The following NYAP1 variants were observed in gnomAD, a reference collection of about 807,000 sequenced individuals.
NYAP1 encodes neuronal tyrosine phosphorylated phosphoinositide-3-kinase adaptor 1, also known as neuronal tyrosine-phosphorylated phosphoinositide-3-kinase adapter 1.
NYAP1 carries 20 observed loss-of-function variants against 58.6 expected under a neutral mutation model. The ratio of observed to expected loss-of-function variants is 0.34; its 90% CI spans 0.24 to 0.50. NYAP1 has a LOEUF of 0.50. Ranked by LOEUF, NYAP1 falls within the 20% of genes least tolerant of loss-of-function variation. The pLI is 0.98. For missense variants in NYAP1, 1,150 were observed against 1,194.5 expected (o/e 0.96, Z 0.55); for synonymous variants, 572 against 523.1 (o/e 1.09, Z -1.27).
Position 100,490,953 on chromosome 7 carries a change from C to G in NYAP1, c.2159-33C>G. 1 of 1,400,342 alleles carries G rather than the reference C, an allele frequency of 7.1e-7. No individual in the cohort carries two copies. Among genetic ancestry groups the G allele is most frequent in the East Asian group, 2.5e-5 (1 of 40,038 alleles). The allele number at this position is 1,400,342 out of a possible 1,614,324, so 86.7% of individuals were successfully genotyped here. A position where few individuals can be genotyped will look rare whatever the true frequency, so the allele number is the denominator to read the frequency against. On this transcript the variant is annotated intron_variant, in intron 5 of 6. Transcript: ENST00000300179. The surrounding 1 kb of genome is among the most constrained non-coding windows in gnomAD (Gnocchi z 4.6). ...ACTAGGGGAGGGGTACCTGAGGCCC[C>G]TGCACTCCTCACTCCTCCTTCTTCC...
Position 100,485,049 on chromosome 7 carries a change from G to A in NYAP1, c.-84-179G>A, listed in dbSNP as rs1055424111. On this transcript the variant is annotated intron_variant, in intron 1 of 6. Coordinates refer to ENST00000300179, the MANE Select transcript of NYAP1 (RefSeq NM_173564.4). The surrounding 1 kb of genome is among the most constrained non-coding windows in gnomAD (Gnocchi z 5.7). Reference sequence around the variant, plus strand: ...TGTATTTGGGGCTCTGAACACCTTTGTCGGGGTCTGTGTCTGTCTGTCTGT... The same window carrying A: ...TGTATTTGGGGCTCTGAACACCTTTATCGGGGTCTGTGTCTGTCTGTCTGT... Among the ~76,000 whole-genome samples the A allele has an allele frequency of 1.3e-5, 2 of 152,190 alleles. No individual in the cohort carries two copies. Among genetic ancestry groups the A allele is most frequent in the South Asian group, 4.1e-4 (2 of 4,822 alleles).
rs576428189 is a variant in NYAP1, at chr7:100,492,763, C to T, written c.2269-883C>T. Reference sequence around the variant, plus strand: ...AAAATTTAAAAATTATCCAGACATGCTGGTGCATGCTTGTGGTTCCAGCAA... The same window carrying T: ...AAAATTTAAAAATTATCCAGACATGTTGGTGCATGCTTGTGGTTCCAGCAA... On this transcript the variant is annotated intron_variant, in intron 6 of 6. Coordinates refer to ENST00000300179, the MANE Select transcript of NYAP1 (RefSeq NM_173564.4). 2.0e-5 allele frequency among the ~76,000 whole-genome samples: 3 copies of T among 152,004 alleles called. No homozygotes were observed. In the South Asian group the frequency reaches 6.2e-4, roughly 32 times the overall value.
chr7:100,489,035 G>A lies in NYAP1; in HGVS notation c.1314G>A (p.Ala438=), dbSNP rs1345329547. 2.7e-5 allele frequency: 42 copies of A among 1,545,574 alleles called. No homozygotes were observed. The highest frequency in any genetic ancestry group is 5.9e-5 in the Admixed American group (3 of 50,442). The change falls in exon 4 of 7, where the codon GCG becomes GCA. Residue 438 remains alanine (A), a synonymous_variant. Transcript: ENST00000300179. The part of the protein sequence containing the change: ...HSMICPKAAG[A]PAAPPAPAAL... ...TGATCTGCCCTAAGGCGGCGGGGGC[G>A]CCGGCAGCCCCCCCTGCCCCGGCCG...
rs1457968294 is a variant in NYAP1, at chr7:100,485,681, CG to C, written c.68+305del. On this transcript the variant is annotated intron_variant, in intron 2 of 6. Transcript: ENST00000300179. This position sits in a 1 kb window ranked among gnomAD's most constrained non-coding sequence, Gnocchi z 5.7. ...CTTTCTGCAAATTTGGGGCTGGCTG[CG>C]GGCTCTCCTGTCACCTGACCTTGGA... Among the ~76,000 whole-genome samples, 1 of 152,200 alleles carries C rather than the reference CG, an allele frequency of 6.6e-6. No homozygotes were observed. Among genetic ancestry groups the C allele is most frequent in the Non-Finnish European group, 1.5e-5 (1 of 68,028 alleles).
chr7:100,492,251 A>G (rs564680329), intron 6 of NYAP1, among the ~76,000 whole-genome samples: 83 of 150,256 alleles, frequency 5.5e-4, no homozygotes, highest in South Asian at 2.5e-3. Flanking sequence ...AAAAAAAAAA[A>G]GGGGCCAGGC....
In NYAP1 at chr7:100,488,858, G is replaced by A. The variant is rs376041666; in HGVS notation, c.1137G>A (p.Glu379=). ...STPAPQVPAR[E]RETPPPPPPP... ...CAGCTCCCCAAGTGCCTGCACGGGA[G>A]CGGGAGACGCCTCCCCCACCGCCTC... Residue 379 remains glutamate, a synonymous_variant, in exon 4 of 7, where the codon GAG becomes GAA. Transcript: ENST00000300179. This position sits in a 1 kb window ranked among gnomAD's most constrained non-coding sequence, Gnocchi z 5.9. 11 of 1,599,340 alleles carry A rather than the reference G, an allele frequency of 6.9e-6. No homozygotes were observed. The highest frequency in any genetic ancestry group is 1.7e-6 in the Non-Finnish European group (2 of 1,174,718).
In NYAP1 at chr7:100,485,380, G is replaced by A; in HGVS notation, c.68+1G>A. ...ACAAGGAAGAGGAGGCCAAGAGGAG[G>A]TAAGGCTGCACCCCAGACTGCTCCC... is the stretch of plus-strand genomic sequence containing the variant. On this transcript the variant is annotated splice_donor_variant, in intron 2 of 6. Coordinates refer to ENST00000300179, the MANE Select transcript of NYAP1 (RefSeq NM_173564.4). LOFTEE classifies it high-confidence loss of function. The surrounding 1 kb of genome is among the most constrained non-coding windows in gnomAD (Gnocchi z 5.7). 1 of 1,597,502 alleles carries A rather than the reference G, an allele frequency of 6.3e-7. No individual in the cohort carries two copies. Among genetic ancestry groups the A allele is most frequent in the Non-Finnish European group, 8.5e-7 (1 of 1,171,154 alleles).
rs753856405 is a variant in NYAP1 at position 100,489,118 on chromosome 7, C to T, written c.1397C>T (p.Ala466Val). ...KAVSYTMVYSAVKVTTHSVLP... is the reference protein window; with the variant it reads ...KAVSYTMVYSVVKVTTHSVLP... ...GTGTCTTACACCATGGTGTACTCGG[C>T]GGTCAAGGTGACCACGCACTCTGTC... The change falls in exon 4 of 7, where the codon GCG becomes GTG. Residue 466 changes from alanine to valine, a missense_variant. By Grantham distance (64) the Ala-to-Val change is moderately conservative. Transcript: ENST00000300179. The T allele has an allele frequency of 1.1e-5, 18 of 1,592,786 alleles. No individual in the cohort carries two copies. Among genetic ancestry groups the T allele is most frequent in the South Asian group, 3.4e-5 (3 of 88,392 alleles).
chr7:100,491,141 G>A (rs376691161), intron 6 of NYAP1, 46 bp downstream of exon 6: 32 of 1,250,734 alleles, frequency 2.6e-5, no homozygotes, highest in Non-Finnish European at 3.4e-5. Flanking sequence ...AGGTGGAGAA[G>A]GCTTGAATAT....
rs375387433 is a variant in NYAP1, at chr7:100,487,094, C to A, written c.342C>A (p.Pro114=). 84 of 1,592,004 alleles carry A rather than the reference C, an allele frequency of 5.3e-5. 2 individuals are homozygous for A. The African/African-American group carries it at 7.7e-4, about 15-fold the overall frequency. Residue 114 remains proline (P), a synonymous_variant, in exon 3 of 7, where the codon CCC becomes CCA. Coordinates refer to ENST00000300179, the MANE Select transcript of NYAP1 (RefSeq NM_173564.4). This position sits in a 1 kb window ranked among gnomAD's most constrained non-coding sequence, Gnocchi z 4.1. Reference sequence around the variant, plus strand: ...CAGAGGACAGCAGCACCCGAAGACCCCCTGCCAAGCCCCGGAGACACCCCA... The same window carrying A: ...CAGAGGACAGCAGCACCCGAAGACCACCTGCCAAGCCCCGGAGACACCCCA... The part of the protein sequence containing the change: ...GLTEDSSTRR[P]PAKPRRHPST...
intron 6 of NYAP1, 138 bp from the exon 7 acceptor site, chr7:100,493,508 G>A: frequency 1.3e-6 from 1 of 799,784 alleles, no homozygotes; most frequent in Non-Finnish European, 1.9e-6. Context: ...GCCAGAGGGA[G>A]CCAGCAGAGG....
Position 100,489,201 on chromosome 7 carries a change from G to T in NYAP1, c.1480G>T (p.Val494Phe). ...GEPKTEKEISVLHGMLCTSSR... is the reference protein window; with the variant it reads ...GEPKTEKEISFLHGMLCTSSR... The stretch of plus-strand genomic sequence containing the variant: ...GCCAAAGACGGAGAAGGAGATCTCG[G>T]TCCTCCATGGGATGCTGTGTACCAG... Residue 494 changes from valine (V) to phenylalanine (F), a missense_variant, in exon 4 of 7, where the codon GTC (valine) becomes TTC (phenylalanine). By Grantham distance (50) the Val-to-Phe change is conservative. Coordinates refer to ENST00000300179, the MANE Select transcript of NYAP1 (RefSeq NM_173564.4). 1 of 1,610,444 alleles carries T rather than the reference G, an allele frequency of 6.2e-7. No individual in the cohort carries two copies. The highest frequency in any genetic ancestry group is 2.2e-5 in the East Asian group (1 of 44,806).
Position 100,493,916 on chromosome 7 carries a change from G to C in NYAP1, c.*13G>C, listed in dbSNP as rs767063731. 1.4e-6 allele frequency: 2 copies of C among 1,428,582 alleles called. No individual in the cohort carries two copies. Among genetic ancestry groups the C allele is most frequent in the East Asian group, 5.5e-5 (2 of 36,096 alleles). The allele number at this position is 1,428,582 out of a possible 1,614,324, so 88.5% of individuals were successfully genotyped here. ...CACCGCCATCTGAGGCGGGCGGGGG[G>C]GTACCGGGGCGCCTGGACTGGGGAG... On this transcript the variant is annotated 3_prime_UTR_variant, in exon 7 of 7. Coordinates refer to ENST00000300179, the MANE Select transcript of NYAP1 (RefSeq NM_173564.4).
Position 100,493,834 on chromosome 7 carries a change from C to G in NYAP1, c.2457C>G (p.Pro819=). Residue 819 remains proline, a synonymous_variant, in exon 7 of 7, where the codon CCC becomes CCG. Coordinates refer to ENST00000300179, the MANE Select transcript of NYAP1 (RefSeq NM_173564.4). ...TCCTCCCCAGCTGGCGGCGGGGACCCGAGCCCCGCAAGTCCGGCACCCCGC... is the reference window on the plus strand; with the variant it reads ...TCCTCCCCAGCTGGCGGCGGGGACCGGAGCCCCGCAAGTCCGGCACCCCGC... ...MPILPSWRRG[P]EPRKSGTPPC... 1 of 1,571,602 alleles carries G rather than the reference C, an allele frequency of 6.4e-7. No homozygotes were observed. Among genetic ancestry groups the G allele is most frequent in the Non-Finnish European group, 8.6e-7 (1 of 1,163,360 alleles).
rs1258273454 is a variant in NYAP1, at chr7:100,489,527, C to T, written c.1806C>T (p.Ser602=). ...GGACCGATGGGGGTGCTTTTGCCAG[C>T]ATCTCCTGTGCCCACGTCATCGCCA... The part of the protein sequence containing the change: ...EQGTDGGAFA[S]ISCAHVIASA... The change falls in exon 4 of 7, where the codon AGC becomes AGT. Residue 602 remains serine, a synonymous_variant. Transcript: ENST00000300179. 6.2e-7 allele frequency: 1 copy of T among 1,613,468 alleles called. No individual in the cohort carries two copies. Among genetic ancestry groups the T allele is most frequent in the East Asian group, 2.2e-5 (1 of 44,882 alleles).
In NYAP1 at chr7:100,489,134, G is replaced by A. The variant is rs758259156; in HGVS notation, c.1413G>A (p.Thr471=). 18 of 1,604,788 alleles carry A rather than the reference G, an allele frequency of 1.1e-5. No individual in the cohort carries two copies. The highest frequency in any genetic ancestry group is 6.8e-5 in the Admixed American group (4 of 58,844). ...TGTACTCGGCGGTCAAGGTGACCAC[G>A]CACTCTGTCCTGCCAGCTGGTCCAC... ...TMVYSAVKVT[T]HSVLPAGPPL... is the part of the protein sequence containing the mutation. Residue 471 remains threonine (T), a synonymous_variant, in exon 4 of 7, where the codon ACG becomes ACA. Coordinates refer to ENST00000300179, the MANE Select transcript of NYAP1 (RefSeq NM_173564.4).
At position 100,487,063 on chromosome 7, in the gene NYAP1, G is replaced by T. The variant is rs1197227460; in HGVS notation, c.311G>T (p.Gly104Val). ...VGGGPGGASG[G>V]LTEDSSTRRP... ...GGTGGCCCTGGCGGGGCCAGTGGGG[G>T]CCTCACAGAGGACAGCAGCACCCGA... Residue 104 changes from glycine (G) to valine (V), a missense_variant, in exon 3 of 7, where the codon GGC (glycine) becomes GTC (valine). Transcript: ENST00000300179. The surrounding 1 kb of genome is among the most constrained non-coding windows in gnomAD (Gnocchi z 4.1). 6.2e-7 allele frequency: 1 copy of T among 1,600,322 alleles called. No individual in the cohort carries two copies. Among genetic ancestry groups the T allele is most frequent in the South Asian group, 1.1e-5 (1 of 89,872 alleles).
rs141055863 is a variant in NYAP1 at position 100,490,554 on chromosome 7, C to T, written c.1983C>T (p.Ala661=). Residue 661 remains alanine (A), a synonymous_variant, in exon 5 of 7, where the codon GCC becomes GCT. Coordinates refer to ENST00000300179, the MANE Select transcript of NYAP1 (RefSeq NM_173564.4). This position sits in a 1 kb window ranked among gnomAD's most constrained non-coding sequence, Gnocchi z 4.6. ...EDGARAWNGS[A]EGPGKVERED... is the part of the protein sequence containing the mutation. ...GTGCCCGGGCCTGGAATGGCAGTGC[C>T]GAGGGTCCAGGCAAGGTGGAGCGTG... 23 of 1,588,312 alleles carry T rather than the reference C, an allele frequency of 1.4e-5. No homozygotes were observed. In the African/African-American group the frequency reaches 2.0e-4, roughly 14 times the overall value.
rs982023037 is a variant in NYAP1 at position 100,490,346 on chromosome 7, G to A, written c.1946-171G>A. 6.6e-6 allele frequency among the ~76,000 whole-genome samples: 1 copy of A among 152,148 alleles called. No homozygotes were observed. The highest frequency in any genetic ancestry group is 2.4e-5 in the African/African-American group (1 of 41,418). On this transcript the variant is annotated intron_variant, in intron 4 of 6. Transcript: ENST00000300179. The surrounding 1 kb of genome is among the most constrained non-coding windows in gnomAD (Gnocchi z 4.6). ...CCAATGGGTGGAAAGGAAGGGGTGT[G>A]TGTGTGTTTGTATGTATGTTGGGGG...
Sources: gnomAD v4.1 joint callset for allele counts (sites outside exome capture counted in the v4.1 genomes callset) on GRCh38, gnomAD v4.1.1 for gene constraint, Gnocchi (gnomAD v3.1) non-coding constraint, MANE v1.5 for transcripts, NCBI Gene and HGNC (gene_info 2026-07-23, HGNC 2026-07-21) for gene names.